Variants in COL6A5 observed in about 807,000 individuals in gnomAD.
The protein encoded by COL6A5 is collagen type VI alpha 5 chain.
In COL6A5, 48 loss-of-function variants were observed where a neutral mutation model predicts 65.6. That is an observed-to-expected ratio of 0.73 (90% confidence interval 0.58 to 0.93). The LOEUF is 0.93. COL6A5 is among the 40% of genes least tolerant of loss of function. COL6A5 has a pLI of 0.00. For synonymous variants in COL6A5, 291 were observed against 322.8 expected, an observed-to-expected ratio of 0.90 and a Z score of 1.05; for missense variants, 914 against 928.3, an observed-to-expected ratio of 0.98 and a Z score of 0.20.
At chr3:130,363,948 G>A (rs1935234133) in intron 1 of COL6A5, among the ~76,000 whole-genome samples, 1 of 152,090 alleles carries the variant, frequency 6.6e-6, no homozygotes, top group Non-Finnish European at 1.5e-5. Flanking sequence ...TGGGGCAGTG[G>A]TTTTCCCTGT....
intron 27 of COL6A5, among the ~76,000 whole-genome samples, chr3:130,422,056 A>T (rs1170753248): frequency 6.6e-6 from 1 of 152,166 alleles, no homozygotes; most frequent in Admixed American, 6.6e-5. Context: ...ATATGGGTTA[A>T]AAAGTAGAAT....
chr3:130,371,169 G>A (rs1017503904), intron 1 of COL6A5, among the ~76,000 whole-genome samples: 2 of 152,132 alleles, frequency 1.3e-5, no homozygotes, highest in African/African-American at 4.8e-5. Flanking sequence ...GAAATAAGGA[G>A]ATCTAAAAAT....
intron 3 of COL6A5, among the ~76,000 whole-genome samples, chr3:130,441,611 G>A (rs1709182962): frequency 6.6e-6 from 1 of 152,128 alleles, no homozygotes; most frequent in African/African-American, 2.4e-5. Flanking sequence ...ATCACAGATG[G>A]TTTGGAAAAA....
intron 1 of COL6A5, among the ~76,000 whole-genome samples, chr3:130,349,363 A>G (rs1934619597): frequency 6.6e-6 from 1 of 152,228 alleles, no homozygotes; most frequent in Admixed American, 6.5e-5. Flanking sequence ...TAACTCTTTG[A>G]GCCTTAGTTT....
exon 4 of COL6A5, chr3:130,379,464 G>T: frequency 6.4e-7 from 1 of 1,551,256 alleles, no homozygotes; most frequent in Non-Finnish European, 8.7e-7. Flanking sequence ...CTGACCTCGT[G>T]TTCCTGGTGG....
intron 1 of COL6A5, among the ~76,000 whole-genome samples, chr3:130,352,112 A>G (rs1934741553): frequency 6.6e-6 from 1 of 152,004 alleles, no homozygotes; most frequent in South Asian, 2.1e-4. Context: ...AACAATGAGA[A>G]CACTTGGATA....
At chr3:130,389,617 C>T (rs1559873680) in intron 6 of COL6A5, among the ~76,000 whole-genome samples, 1 of 151,742 alleles carries the variant, frequency 6.6e-6, no homozygotes, top group African/African-American at 2.4e-5. Context: ...CATTACTTCA[C>T]ATTATTATTC....
chr3:130,440,662 C>T (rs761117296), exon 3 of COL6A5: 1 of 1,613,334 alleles, frequency 6.2e-7, no homozygotes, highest in South Asian at 1.1e-5. Context: ...AGTGTCAAGG[C>T]TACGTCATAT....
intron 4 of COL6A5, among the ~76,000 whole-genome samples, chr3:130,444,076 G>A (rs926798141): frequency 5.3e-5 from 8 of 152,142 alleles, no homozygotes; most frequent in Non-Finnish European, 8.8e-5. Context: ...AGAATTCAGC[G>A]ATATTTCTCC....
intron 5 of COL6A5, among the ~76,000 whole-genome samples, chr3:130,460,560 G>A (rs534090243): frequency 1.3e-5 from 2 of 152,176 alleles, no homozygotes; most frequent in Admixed American, 6.5e-5. Context: ...TATGTTATGT[G>A]ACCCTTTCTA....
intron 12 of COL6A5, among the ~76,000 whole-genome samples, chr3:130,403,130 A>G (rs1936869729): frequency 6.6e-6 from 1 of 152,220 alleles, no homozygotes; most frequent in African/African-American, 2.4e-5. Context: ...GTAAGCCACA[A>G]CACAGTTAAA....
At chr3:130,437,159 GTA>G (rs1359988301) in intron 1 of COL6A5, among the ~76,000 whole-genome samples, 2 of 151,736 alleles carry the variant, frequency 1.3e-5, no homozygotes, top group Non-Finnish European at 2.9e-5. Context: ...TAATGTGTGC[GTA>G]TATATGTGTG....
At chr3:130,469,144 C>T (rs760924507) in exon 6 of COL6A5, 124 of 1,612,894 alleles carry the variant, frequency 7.7e-5, no homozygotes, top group Non-Finnish European at 9.9e-5. Context: ...CTCAACAGCT[C>T]AATGGAGATG....
chr3:130,377,509 A>G (rs945296475), intron 3 of COL6A5, among the ~76,000 whole-genome samples: 16 of 152,240 alleles, frequency 1.1e-4, no homozygotes, highest in Admixed American at 8.5e-4. Context: ...GTACATGTTC[A>G]TATTTTCTGT....
At chr3:130,430,470 A>T (rs1254999153), upstream of COL6A5, among the ~76,000 whole-genome samples, 2 of 152,206 alleles carry the variant, frequency 1.3e-5, no homozygotes, top group Non-Finnish European at 2.9e-5. Flanking sequence ...GATTGGGGAT[A>T]GAGAACAGCC....
chr3:130,350,529 G>C (rs1376814805), intron 1 of COL6A5, among the ~76,000 whole-genome samples: 2 of 152,124 alleles, frequency 1.3e-5, no homozygotes, highest in Non-Finnish European at 2.9e-5. Flanking sequence ...GACAAACAGA[G>C]AGCCAAATCA....
intron 5 of COL6A5, among the ~76,000 whole-genome samples, chr3:130,388,105 A>G (rs2107649675): frequency 1.3e-5 from 2 of 152,148 alleles, no homozygotes; most frequent in South Asian, 4.1e-4. Context: ...AGTGTTTATG[A>G]AATCACTTAG....
chr3:130,345,710 G>A, exon 1 of COL6A5: 1 of 398,698 alleles, frequency 2.5e-6, no homozygotes, highest in Non-Finnish European at 4.4e-6. Context: ...AAAAGCCCCA[G>A]GGAAGAGCCA....
intron 17 of COL6A5, among the ~76,000 whole-genome samples, chr3:130,408,404 A>T (rs1049680816): frequency 6.6e-6 from 1 of 152,096 alleles, no homozygotes; most frequent in Non-Finnish European, 1.5e-5. Context: ...GGATTAGGAA[A>T]TTCCAGCCTG....
Sources: gnomAD v4.1 joint callset for allele counts (sites outside exome capture counted in the v4.1 genomes callset) on GRCh38, gnomAD v4.1.1 for gene constraint, MANE v1.5 for transcripts, NCBI Gene and HGNC (gene_info 2026-07-23, HGNC 2026-07-21) for gene names.